EPS8L2: variants seen among roughly 807,000 people sequenced by gnomAD.
EPS8L2 encodes epidermal growth factor receptor kinase substrate 8-like protein 2.
EPS8L2 carries 81 observed loss-of-function variants against 99.4 expected under a neutral mutation model. The ratio of observed to expected loss-of-function variants is 0.82; its 90% CI spans 0.68 to 0.98. The LOEUF is 0.98. Among genes scored for constraint, EPS8L2 ranks in the 50% least tolerant of loss-of-function variants. The probability of loss-of-function intolerance (pLI) is 0.00; values close to 1 mark genes in which losing one functional copy is unlikely to be tolerated. For missense variants in EPS8L2, 1,155 were observed against 968.8 expected (o/e 1.19, Z -2.55); for synonymous variants, 509 against 407.3 (o/e 1.25, Z -3.01).
At position 720,220 on chromosome 11, in the gene EPS8L2, A is replaced by G; in HGVS notation, c.324A>G (p.Ser108=). The G allele has an allele frequency of 4.3e-6, 7 of 1,612,930 alleles. No individual in the cohort carries two copies. The highest frequency in any genetic ancestry group is 5.9e-6 in the Non-Finnish European group (7 of 1,179,868). The change falls in exon 5 of 21, where the codon TCA becomes TCG. Residue 108 remains serine (S), a synonymous_variant. Coordinates refer to ENST00000318562, the MANE Select transcript of EPS8L2 (RefSeq NM_022772.4). ...CGCTGCGGCTGCTGGACATCGAGTC[A>G]CAGGTGGGGCCCAGCGCCACGGGGG... The part of the protein sequence containing the change: ...DQSLRLLDIE[S]QEELEDFPLP...
chr11:723,128 C>T (rs1862235070), intron 14 of EPS8L2, 113 bp from the exon 15 acceptor site: 4 of 640,342 alleles, frequency 6.2e-6, no homozygotes, highest in South Asian at 3.8e-5. Context: ...GGCTCCATCA[C>T]CCTCAGTGAT....
At position 722,119 on chromosome 11, in the gene EPS8L2, C is replaced by T. The variant is rs1862195469; in HGVS notation, c.1013C>T (p.Pro338Leu). 1.2e-6 allele frequency: 2 copies of T among 1,612,914 alleles called. No homozygotes were observed. Among genetic ancestry groups the T allele is most frequent in the Non-Finnish European group, 1.7e-6 (2 of 1,179,898 alleles). Residue 338 changes from proline to leucine, a missense_variant, in exon 12 of 21, where the codon CCC (proline) becomes CTC (leucine). By Grantham distance (98) the Pro-to-Leu change is moderately conservative. Transcript: ENST00000318562. ...LAKLQKHIQN[P>L]SAAELVHFLF... ...AAGCTGCAGAAGCACATCCAGAACC[C>T]CAGCGCCGCGGAGCTCGTGCACTTC...
Position 726,666 on chromosome 11 carries a change from T to A in EPS8L2, c.1982T>A (p.Leu661His), listed in dbSNP as rs1201734989. The A allele has an allele frequency of 9.6e-6, 15 of 1,569,520 alleles. No individual in the cohort carries two copies. In the South Asian group the frequency reaches 1.8e-4, roughly 18 times the overall value. Residue 661 changes from leucine (L) to histidine (H), a missense_variant, in exon 20 of 21, where the codon CTC becomes CAC. By Grantham distance (99) the Leu-to-His change is moderately conservative (BLOSUM62 -3). Transcript: ENST00000318562. ...GILTGPQLFS[L>H]NKEELKKVCG... ...CTGACCGGGCCGCAGCTCTTCTCCCTCAACAAGGAGGAGCTGAAGAAAGTG... is the reference window on the plus strand; with the variant it reads ...CTGACCGGGCCGCAGCTCTTCTCCCACAACAAGGAGGAGCTGAAGAAAGTG...
intron 4 of EPS8L2, among the ~76,000 whole-genome samples, chr11:717,161 GA>G (rs2133516022): frequency 6.6e-6 from 1 of 152,188 alleles, no homozygotes; most frequent in African/African-American, 2.4e-5. Context: ...ATTTTTAGTA[GA>G]GACGGGGTAT....
chr11:707,269 T>C (rs572637931), intron 1 of EPS8L2, among the ~76,000 whole-genome samples: 1 of 152,222 alleles, frequency 6.6e-6, no homozygotes, highest in African/African-American at 2.4e-5. Flanking sequence ...AGCTTATCCC[T>C]TCCTCCCTCA....
chr11:723,461 C>G (rs1862243454), intron 15 of EPS8L2, 108 bp downstream of exon 15: 2 of 487,286 alleles, frequency 4.1e-6, no homozygotes, highest in African/African-American at 2.0e-5. Context: ...GTGCATTGTT[C>G]AAGTGGTTTA....
intron 4 of EPS8L2, among the ~76,000 whole-genome samples, chr11:718,183 A>G (rs1024497396): frequency 2.0e-5 from 3 of 151,882 alleles, no homozygotes; most frequent in African/African-American, 7.3e-5. Context: ...AAATACAAAA[A>G]TTAGTCGGGT....
chr11:717,046 G>A (rs1564973381), intron 4 of EPS8L2, among the ~76,000 whole-genome samples: 1 of 152,228 alleles, frequency 6.6e-6, no homozygotes, highest in East Asian at 1.9e-4. Context: ...GCACGATCTC[G>A]GCTCACTGCA....
intron 1 of EPS8L2, 92 bp downstream of exon 1, chr11:706,380 G>A (rs1861713263): frequency 6.6e-6 from 1 of 152,544 alleles, no homozygotes; most frequent in African/African-American, 2.4e-5. Flanking sequence ...AGGACACCGG[G>A]ACGAACGCGG....
At chr11:712,497 G>A (rs987509084) in intron 4 of EPS8L2, among the ~76,000 whole-genome samples, 2 of 151,870 alleles carry the variant, frequency 1.3e-5, no homozygotes, top group African/African-American at 4.8e-5. Flanking sequence ...TCCAAGCCTG[G>A]GTGCGAGCTG....
chr11:721,005 A>AGGGAGGGGAGGAGCCCGGCAGGGGAG lies in EPS8L2; in HGVS notation c.558-52_558-51insGAGGAGCCCGGCAGGGGAGGGGAGGG. Reference sequence around the variant, plus strand: ...CGGCAGGGGAGGGGAGGAGCCCGGCAGGGAGGGAGGGTCAGGTGCGTTCCC... The same window carrying AGGGAGGGGAGGAGCCCGGCAGGGGAG: ...CGGCAGGGGAGGGGAGGAGCCCGGCAGGGAGGGGAGGAGCCCGGCAGGGGAGGGGAGGGAGGGTCAGGTGCGTTCCC... On this transcript the variant is annotated intron_variant, in intron 7 of 20. Transcript: ENST00000318562. 1.6e-5 allele frequency: 23 copies of AGGGAGGGGAGGAGCCCGGCAGGGGAG among 1,397,712 alleles called. 1 individual carries two copies. The highest frequency in any genetic ancestry group is 8.6e-6 in the Non-Finnish European group (9 of 1,051,302). The allele number at this position is 1,397,712 out of a possible 1,614,324, so 86.6% of individuals were successfully genotyped here.
rs559190767 is a variant in EPS8L2 at position 724,574 on chromosome 11, C to G, written c.1455-150C>G. 29 of 623,730 alleles carry G rather than the reference C, an allele frequency of 4.6e-5. No individual in the cohort carries two copies. In the South Asian group the frequency reaches 5.3e-4, roughly 11 times the overall value. The allele number at this position is 623,730 out of a possible 1,614,324, so 38.6% of individuals were successfully genotyped here. On this transcript the variant is annotated intron_variant, in intron 15 of 20. Coordinates refer to ENST00000318562, the MANE Select transcript of EPS8L2 (RefSeq NM_022772.4). The surrounding 1 kb of genome is among the most constrained non-coding windows in gnomAD (Gnocchi z 5.5). ...TGTCACAGTTTCCATTCCGGGCTGACGCTGCCTGCAGCCTCTCTCCACGGT... is the reference window on the plus strand; with the variant it reads ...TGTCACAGTTTCCATTCCGGGCTGAGGCTGCCTGCAGCCTCTCTCCACGGT...
At chr11:720,324 G>C in intron 5 of EPS8L2, 101 bp downstream of exon 5, 1 of 1,311,802 alleles carries the variant, frequency 7.6e-7, no homozygotes, top group East Asian at 2.4e-5. Context: ...CTGCAGGGCC[G>C]GCCATGCCCT....
At position 726,457 on chromosome 11, in the gene EPS8L2, G is replaced by A; in HGVS notation, c.1907G>A (p.Trp636Ter). The change falls in exon 19 of 21, where the codon TGG (tryptophan) becomes TAG (stop). Residue 636 changes from tryptophan to a stop codon, truncating the protein, a stop_gained. Coordinates refer to ENST00000318562, the MANE Select transcript of EPS8L2 (RefSeq NM_022772.4). LOFTEE classifies it high-confidence loss of function. ...YESGPDEVRA[W>*]LEAKAFSPRI... ...TCGGGTCCGGACGAGGTCCGCGCCT[G>A]GCTGGAAGCCAAGGCCTTCAGCCCG... 6.3e-7 allele frequency: 1 copy of A among 1,579,012 alleles called. No individual in the cohort carries two copies. Among genetic ancestry groups the A allele is most frequent in the Non-Finnish European group, 8.6e-7 (1 of 1,164,204 alleles).
In EPS8L2 at chr11:720,985, G is replaced by GGGGAGGGGAGGAGCCCGGCAGGGA. The variant is rs1564975825; in HGVS notation, c.558-71_558-48dup. 13,482 of 1,368,960 alleles carry GGGGAGGGGAGGAGCCCGGCAGGGA rather than the reference G, an allele frequency of 9.8e-3. 213 individuals are homozygous for GGGGAGGGGAGGAGCCCGGCAGGGA. The highest frequency in any genetic ancestry group is 0.012 in the Non-Finnish European group (11,697 of 1,014,914). The allele number at this position is 1,368,960 out of a possible 1,614,324, so 84.8% of individuals were successfully genotyped here. A position where few individuals can be genotyped will look rare whatever the true frequency, so the allele number is the denominator to read the frequency against. ...CGGCAGGGGAGGGGAGGAGCCGGCA[G>GGGGAGGGGAGGAGCCCGGCAGGGA]GGGAGGGGAGGAGCCCGGCAGGGAG... On this transcript the variant is annotated intron_variant, in intron 7 of 20. Transcript: ENST00000318562.
chr11:710,767 A>AAAGGGAGGAAGGGAGG, intron 4 of EPS8L2, among the ~76,000 whole-genome samples: 1 of 137,600 alleles, frequency 7.3e-6, no homozygotes, highest in Middle Eastern at 3.2e-3. Context: ...AGAAAGAGAG[A>AAAGGGAGGAAGGGAGG]AAGGGAGGAA....
At chr11:707,582 C>T (rs1258759874) in intron 1 of EPS8L2, among the ~76,000 whole-genome samples, 1 of 152,208 alleles carries the variant, frequency 6.6e-6, no homozygotes, top group African/African-American at 2.4e-5. Context: ...GTCCCCACCA[C>T]CAGTGGGCCA....
Position 724,300 on chromosome 11 carries a change from C to T in EPS8L2, c.1455-424C>T, listed in dbSNP as rs1862261375. Among the ~76,000 whole-genome samples the T allele has an allele frequency of 6.6e-6, 1 of 151,972 alleles. No homozygotes were observed. Among genetic ancestry groups the T allele is most frequent in the Admixed American group, 6.6e-5 (1 of 15,262 alleles). On this transcript the variant is annotated intron_variant, in intron 15 of 20. Transcript: ENST00000318562. The surrounding 1 kb of genome is among the most constrained non-coding windows in gnomAD (Gnocchi z 5.5). Reference sequence around the variant, plus strand: ...GCTTGAGACCCGTCCTCCACTGGACCATTTGGGCTGTGTTCAGTCCTCAGA... The same window carrying T: ...GCTTGAGACCCGTCCTCCACTGGACTATTTGGGCTGTGTTCAGTCCTCAGA...
At position 720,896 on chromosome 11, in the gene EPS8L2, C is replaced by T. The variant is rs1253312306; in HGVS notation, c.544C>T (p.Pro182Ser). ...ADCRLGKKMRPQTLKGHQEKI... is the reference protein window; with the variant it reads ...ADCRLGKKMRSQTLKGHQEKI... ...CTGCCGGCTGGGCAAGAAGATGCGG[C>T]CGCAGACCCTGAAGTAGGGCAGCGG... Residue 182 changes from proline to serine, a missense_variant, in exon 7 of 21, where the codon CCG (proline) becomes TCG (serine). Pro to Ser is a moderately conservative substitution (Grantham distance 74). Transcript: ENST00000318562. 1.4e-6 allele frequency: 2 copies of T among 1,468,882 alleles called. No individual in the cohort carries two copies. Among genetic ancestry groups the T allele is most frequent in the South Asian group, 1.2e-5 (1 of 82,080 alleles). 91.0% of individuals were successfully genotyped at this position (1,468,882 alleles called of 1,614,324 possible).
Sources: gnomAD v4.1 joint callset for allele counts (sites outside exome capture counted in the v4.1 genomes callset) on GRCh38, gnomAD v4.1.1 for gene constraint, Gnocchi (gnomAD v3.1) non-coding constraint, MANE v1.5 for transcripts, NCBI Gene and HGNC (gene_info 2026-07-23, HGNC 2026-07-21) for gene names.